Variants in NRXN3 observed in about 807,000 individuals in gnomAD.
The protein encoded by NRXN3 is neurexin 3, also known as neurexin III.
In NRXN3, 32 loss-of-function variants were observed where a neutral mutation model predicts 137.6. That is an observed-to-expected ratio of 0.23 (90% CI 0.18 to 0.31). The LOEUF is 0.31. Among genes scored for constraint, NRXN3 ranks in the 10% least tolerant of loss-of-function variants. NRXN3 has a pLI of 1.00. For missense variants in NRXN3, 1,574 were observed against 2,062.5 expected, an observed-to-expected ratio of 0.76 and a Z score of 4.59; for synonymous variants, 798 against 784.5, an observed-to-expected ratio of 1.02 and a Z score of -0.29.
chr14:78,200,191 C>T (rs1054078901), intron 1 of NRXN3, among the ~76,000 whole-genome samples: 4 of 152,150 alleles, frequency 2.6e-5, no homozygotes, highest in African/African-American at 7.2e-5. Flanking sequence ...CAGTGGCAGG[C>T]GATCTTGGGA....
intron 6 of NRXN3, among the ~76,000 whole-genome samples, chr14:78,685,264 C>G (rs1474278675): frequency 6.6e-6 from 1 of 152,160 alleles, no homozygotes; most frequent in African/African-American, 2.4e-5. Flanking sequence ...CCCTCTCTCC[C>G]AAGTCTATAG....
chr14:78,553,026 A>G (rs2096707209), intron 4 of NRXN3, among the ~76,000 whole-genome samples: 1 of 152,196 alleles, frequency 6.6e-6, no homozygotes, highest in South Asian at 2.1e-4. Context: ...AACCCCATTT[A>G]TTGTGAATTC....
chr14:79,476,269 C>T (rs1421400099), intron 16 of NRXN3, among the ~76,000 whole-genome samples: 3 of 152,074 alleles, frequency 2.0e-5, no homozygotes, highest in Admixed American at 6.6e-5. Context: ...GCTGCTGTTG[C>T]AACTTGTTAG....
At chr14:79,207,146 C>A (rs1337595739) in intron 15 of NRXN3, among the ~76,000 whole-genome samples, 1 of 152,158 alleles carries the variant, frequency 6.6e-6, no homozygotes, top group Non-Finnish European at 1.5e-5. Context: ...AAATCTTCTG[C>A]AAGTCCCCTC....
chr14:78,386,091 G>A (rs1427241958), intron 4 of NRXN3, among the ~76,000 whole-genome samples: 4 of 151,760 alleles, frequency 2.6e-5, no homozygotes, highest in Non-Finnish European at 4.4e-5. Flanking sequence ...GTATCTGACT[G>A]TCTCCTTAAA....
At chr14:78,330,588 G>T (rs2080694420) in intron 4 of NRXN3, among the ~76,000 whole-genome samples, 1 of 152,100 alleles carries the variant, frequency 6.6e-6, no homozygotes, top group African/African-American at 2.4e-5. Flanking sequence ...TTGATTCCAT[G>T]CTGTTTCTAC....
Position 78,212,847 on chromosome 14 carries a change from G to A in NRXN3, c.-703-29544G>A, listed in dbSNP as rs558474838. Among the ~76,000 whole-genome samples the A allele has an allele frequency of 1.3e-4, 19 of 151,550 alleles. No homozygotes were observed. The South Asian group carries it at 1.9e-3, about 15-fold the overall frequency. ...ACTTTTGGTAGTGGAACTTTTTTTT[G>A]GTCAAATGAAATCTTACATAGAATC... On this transcript the variant is annotated intron_variant, in intron 1 of 20. Coordinates refer to ENST00000335750, the MANE Select transcript of NRXN3 (RefSeq NM_001330195.2).
At chr14:79,499,774 G>C (rs1567301756) in intron 16 of NRXN3, among the ~76,000 whole-genome samples, 1 of 152,104 alleles carries the variant, frequency 6.6e-6, no homozygotes, top group Non-Finnish European at 1.5e-5. Context: ...TAATCTAGGG[G>C]ACTAGAATAC....
At chr14:79,230,158 G>A (rs1400716517) in intron 15 of NRXN3, among the ~76,000 whole-genome samples, 1 of 152,120 alleles carries the variant, frequency 6.6e-6, no homozygotes, top group Non-Finnish European at 1.5e-5. Flanking sequence ...AAATCACACA[G>A]TAGACTTGAA....
chr14:78,812,361 T>C (rs1314724741), intron 10 of NRXN3, among the ~76,000 whole-genome samples: 5 of 152,206 alleles, frequency 3.3e-5, no homozygotes, highest in Non-Finnish European at 5.9e-5. Flanking sequence ...TCCTTTTGCA[T>C]TGGTTTTCAG....
chr14:78,348,161 T>C (rs2082994779), intron 4 of NRXN3, among the ~76,000 whole-genome samples: 1 of 152,150 alleles, frequency 6.6e-6, no homozygotes, highest in Non-Finnish European at 1.5e-5. Context: ...TTTTCTCAGA[T>C]ACAGAACTAT....
intron 19 of NRXN3, among the ~76,000 whole-genome samples, chr14:79,763,791 T>G (rs2139505797): frequency 6.6e-6 from 1 of 151,538 alleles, no homozygotes; most frequent in South Asian, 2.1e-4. Context: ...ACCTAATCAC[T>G]TCCCCAAAAC....
At chr14:78,962,594 T>G (rs1307739790) in intron 11 of NRXN3, among the ~76,000 whole-genome samples, 1 of 152,254 alleles carries the variant, frequency 6.6e-6, no homozygotes, top group Non-Finnish European at 1.5e-5. Flanking sequence ...GGTTTCAAAC[T>G]TTCAGCATCT....
At chr14:78,961,203 C>T (rs1344813554) in intron 11 of NRXN3, among the ~76,000 whole-genome samples, 2 of 152,138 alleles carry the variant, frequency 1.3e-5, no homozygotes, top group African/African-American at 4.8e-5. Flanking sequence ...TAACTTCTCT[C>T]CCCACGTCTA....
At chr14:79,474,723 C>G (rs570314196) in intron 16 of NRXN3, among the ~76,000 whole-genome samples, 250 of 152,130 alleles carry the variant, frequency 1.6e-3, no homozygotes, top group Non-Finnish European at 2.6e-3. Flanking sequence ...GTGAAATTGT[C>G]GCCTGCCTTG....
intron 16 of NRXN3, among the ~76,000 whole-genome samples, chr14:79,566,802 C>CT (rs143925170): frequency 0.034 from 5,180 of 152,176 alleles, 124 homozygotes; most frequent in Middle Eastern, 0.11. Context: ...AGTTGGAACA[C>CT]TTTGTTCATC....
chr14:79,116,456 A>T (rs1346084605), intron 15 of NRXN3, among the ~76,000 whole-genome samples: 1 of 152,246 alleles, frequency 6.6e-6, no homozygotes, highest in African/African-American at 2.4e-5. Flanking sequence ...CCCATTACGC[A>T]TACACCACAG....
rs191502059 is a variant in NRXN3 at position 79,699,734 on chromosome 14, T to C, written c.4014+1797T>C. On this transcript the variant is annotated intron_variant, in intron 19 of 20. Transcript: ENST00000335750. ...GGCCATTTTAGAGGAGATGAACAAC[T>C]GGGAATGCCTTCTCCAATAGCCTCT... Among the ~76,000 whole-genome samples, 145 of 152,198 alleles carry C rather than the reference T, an allele frequency of 9.5e-4. 1 individual carries two copies. The highest frequency in any genetic ancestry group is 3.3e-3 in the African/African-American group (138 of 41,560).
chr14:79,361,532 C>T (rs1472303774), intron 15 of NRXN3, among the ~76,000 whole-genome samples: 2 of 152,028 alleles, frequency 1.3e-5, no homozygotes, highest in African/African-American at 2.4e-5. Flanking sequence ...GCCTGGCCAA[C>T]ATGGTGACAC....
Sources: gnomAD v4.1 joint callset for allele counts (sites outside exome capture counted in the v4.1 genomes callset) on GRCh38, gnomAD v4.1.1 for gene constraint, MANE v1.5 for transcripts, NCBI Gene and HGNC (gene_info 2026-07-23, HGNC 2026-07-21) for gene names.